The following MYBPC2 variants were observed in gnomAD, a reference collection of about 807,000 sequenced individuals.
MYBPC2 encodes myosin-binding protein C, fast-type.
MYBPC2 carries 122 observed loss-of-function variants against 137.0 expected under a neutral mutation model. The observed-to-expected ratio is 0.89, with a 90% CI of 0.77 to 1.03. MYBPC2 has a LOEUF of 1.03. Ranked by LOEUF, MYBPC2 falls within the 50% of genes least tolerant of loss-of-function variation. The pLI is 0.00. For synonymous variants in MYBPC2, 626 were observed against 612.3 expected, an observed-to-expected ratio of 1.02 and a Z score of -0.33; for missense variants, 1,500 against 1,534.4, an observed-to-expected ratio of 0.98 and a Z score of 0.37.
At chr19:50,442,127 C>T (rs1175064718) in intron 8 of MYBPC2, 54 bp from the exon 9 acceptor site, 37 of 1,545,970 alleles carry the variant, frequency 2.4e-5, no homozygotes, top group Non-Finnish European at 3.1e-5. Flanking sequence ...CTGGGGATGA[C>T]CAGGGGAATG....
chr19:50,462,052 C>G lies in MYBPC2; in HGVS notation c.3228+16C>G. ...CCACCCGAAGGTGCCAGGGCAGGGA[C>G]CCAGATCTGCGTGTGTGTTGCCTTG... On this transcript the variant is annotated intron_variant, in intron 26 of 27. Transcript: ENST00000357701. 1 of 1,566,416 alleles carries G rather than the reference C, an allele frequency of 6.4e-7. No homozygotes were observed.
intron 12 of MYBPC2, 135 bp from the exon 13 acceptor site, chr19:50,448,090 A>C: frequency 9.4e-7 from 1 of 1,069,126 alleles, no homozygotes; most frequent in East Asian, 2.8e-5. Context: ...TCCCGAGGCC[A>C]ACGGGTTGTT....
At chr19:50,447,047 GC>G (rs2039812606) in intron 12 of MYBPC2, among the ~76,000 whole-genome samples, 1 of 150,152 alleles carries the variant, frequency 6.7e-6, no homozygotes, top group African/African-American at 2.4e-5. Flanking sequence ...CCCCCGCCTG[GC>G]CCAGGCCTTC....
At chr19:50,458,475 G>C in intron 20 of MYBPC2, 112 bp from the exon 21 acceptor site, 1 of 1,283,384 alleles carries the variant, frequency 7.8e-7, no homozygotes, top group African/African-American at 1.5e-5. Flanking sequence ...CTTCTACTGG[G>C]AACTTACTCA....
At chr19:50,452,500 G>GTATCTATCTATC (rs1456535214) in intron 16 of MYBPC2, among the ~76,000 whole-genome samples, 12,444 of 92,986 alleles carry the variant, frequency 0.13, 685 homozygotes, top group Non-Finnish European at 0.18. Flanking sequence ...ATGTATGTAT[G>GTATCTATCTATC]TATGTATGTA....
At chr19:50,443,401 G>A in intron 9 of MYBPC2, 93 bp from the exon 10 acceptor site, 1 of 1,490,470 alleles carries the variant, frequency 6.7e-7, no homozygotes, top group African/African-American at 1.4e-5. Context: ...GAGAGAGAGA[G>A]AGAGAGACTT....
intron 27 of MYBPC2, 25 bp downstream of exon 27, chr19:50,464,557 C>T: frequency 3.8e-6 from 6 of 1,577,076 alleles, no homozygotes; most frequent in Non-Finnish European, 5.2e-6. Context: ...ATCCCCAACA[C>T]TGGCTGACCC....
Position 50,461,695 on chromosome 19 carries a change from A to C in MYBPC2, c.3085A>C (p.Lys1029Gln), listed in dbSNP as rs775390450. The C allele has an allele frequency of 6.2e-7, 1 of 1,610,910 alleles. No individual in the cohort carries two copies. The highest frequency in any genetic ancestry group is 2.2e-5 in the East Asian group (1 of 44,750). Residue 1029 changes from lysine (K) to glutamine (Q), a missense_variant, in exon 25 of 28, where the codon AAG becomes CAG. Physicochemically the swap from Lys to Gln is moderately conservative, Grantham distance 53. Coordinates refer to ENST00000357701, the MANE Select transcript of MYBPC2 (RefSeq NM_004533.4). ...CTCCAAGAACACGGCCCGCATCCTCAAGACAGGTACAGCCATCCTGCCCCA... is the reference window on the plus strand; with the variant it reads ...CTCCAAGAACACGGCCCGCATCCTCCAGACAGGTACAGCCATCCTGCCCCA... ...GVSKNTARIL[K>Q]TGITFKPFEY...
intron 26 of MYBPC2, among the ~76,000 whole-genome samples, chr19:50,463,220 ATG>A (rs1462275491): frequency 6.6e-6 from 1 of 152,230 alleles, no homozygotes; most frequent in African/African-American, 2.4e-5. Flanking sequence ...ATGTAAATAA[ATG>A]TGCGTGGCTC....
At position 50,435,605 on chromosome 19, in the gene MYBPC2, G is replaced by A. The variant is rs991001883; in HGVS notation, c.110-171G>A. Among the ~76,000 whole-genome samples the A allele has an allele frequency of 1.3e-5, 2 of 152,112 alleles. No individual in the cohort carries two copies. Among genetic ancestry groups the A allele is most frequent in the Non-Finnish European group, 2.9e-5 (2 of 68,028 alleles). On this transcript the variant is annotated intron_variant, in intron 2 of 27. Coordinates refer to ENST00000357701, the MANE Select transcript of MYBPC2 (RefSeq NM_004533.4). This position sits in a 1 kb window ranked among gnomAD's most constrained non-coding sequence, Gnocchi z 4.8. ...AGCCTGGCCAAGGTCACACAGCCACGAGGGTGACAGGTGGCCTTTCCCAGG... is the reference window on the plus strand; with the variant it reads ...AGCCTGGCCAAGGTCACACAGCCACAAGGGTGACAGGTGGCCTTTCCCAGG...
chr19:50,464,575 G>A (rs747564912), intron 27 of MYBPC2, 43 bp downstream of exon 27: 2 of 1,548,924 alleles, frequency 1.3e-6, no homozygotes, highest in South Asian at 2.4e-5. Flanking sequence ...CCCTTGCTCG[G>A]GCCCTGTGCC....
chr19:50,438,857 C>T lies in MYBPC2; in HGVS notation c.572+1139C>T, dbSNP rs1046415559. ...CTCCAGTCTGGGCAACAGAGTGAGA[C>T]TGTTTCAAAAACAACAACCACAAAA... is the stretch of plus-strand genomic sequence containing the variant. On this transcript the variant is annotated intron_variant, in intron 7 of 27. Transcript: ENST00000357701. 4.6e-5 allele frequency among the ~76,000 whole-genome samples: 7 copies of T among 152,064 alleles called. No individual in the cohort carries two copies. In the South Asian group the frequency reaches 6.2e-4, roughly 13 times the overall value.
In MYBPC2 at chr19:50,459,152, C is replaced by T; in HGVS notation, c.2637C>T (p.Ala879=). The change falls in exon 23 of 28, where the codon GCC becomes GCT. Residue 879 remains alanine (A), a synonymous_variant. Transcript: ENST00000357701. ...RPQVVWTKGG[A]PLDTSRVHVR... ...AGGTGGTGTGGACCAAGGGCGGGGC[C>T]CCGCTGGACACCTCCCGCGTGCACG... The T allele has an allele frequency of 6.3e-7, 1 of 1,594,326 alleles. No individual in the cohort carries two copies. Among genetic ancestry groups the T allele is most frequent in the African/African-American group, 1.3e-5 (1 of 74,674 alleles).
In MYBPC2 at chr19:50,461,884, C is replaced by T. The variant is rs1275367310; in HGVS notation, c.3092-16C>T. On this transcript the variant is annotated splice_polypyrimidine_tract_variant and intron_variant, in intron 25 of 27. Coordinates refer to ENST00000357701, the MANE Select transcript of MYBPC2 (RefSeq NM_004533.4). The stretch of plus-strand genomic sequence containing the variant: ...ATCTAGATCAGTCGCCTTACGGGTG[C>T]ATCCTCTCTCCCCAGGAATCACCTT... 6.3e-7 allele frequency: 1 copy of T among 1,591,814 alleles called. No homozygotes were observed. The highest frequency in any genetic ancestry group is 1.3e-5 in the African/African-American group (1 of 74,454).
chr19:50,464,176 C>T (rs970377590), intron 26 of MYBPC2, 170 bp from the exon 27 acceptor site: 3 of 598,284 alleles, frequency 5.0e-6, no homozygotes, highest in Non-Finnish European at 5.8e-6. Context: ...GATTATCAAC[C>T]TGCTTTTACA....
intron 12 of MYBPC2, 60 bp from the exon 13 acceptor site, chr19:50,448,165 A>G (rs2039822405): frequency 6.5e-7 from 1 of 1,537,640 alleles, no homozygotes; most frequent in African/African-American, 1.4e-5. Flanking sequence ...GTGGGTGCTC[A>G]CAAGTGTCTG....
chr19:50,461,461 CCTT>C, intron 24 of MYBPC2, 78 bp from the exon 25 acceptor site: 1 of 1,413,946 alleles, frequency 7.1e-7, no homozygotes, highest in Middle Eastern at 1.9e-4. Context: ...TTTTCTCACC[CCTT>C]CTTTCGTCTG....
intron 1 of MYBPC2, among the ~76,000 whole-genome samples, chr19:50,434,376 CA>C (rs935886528): frequency 2.0e-5 from 3 of 152,018 alleles, no homozygotes; most frequent in Middle Eastern, 3.2e-3. Context: ...GAAACAAAAA[CA>C]AAAAATAGAT....
In MYBPC2 at chr19:50,465,410, G is replaced by C. The variant is rs73054474; in HGVS notation, c.3416-785G>C. 6.6e-6 allele frequency among the ~76,000 whole-genome samples: 1 copy of C among 152,044 alleles called. No individual in the cohort carries two copies. Among genetic ancestry groups the C allele is most frequent in the African/African-American group, 2.4e-5 (1 of 41,392 alleles). On this transcript the variant is annotated intron_variant, in intron 27 of 27. Coordinates refer to ENST00000357701, the MANE Select transcript of MYBPC2 (RefSeq NM_004533.4). This position sits in a 1 kb window ranked among gnomAD's most constrained non-coding sequence, Gnocchi z 4.5. ...AGGCTCAGCGAGGAGGCCACTAACC[G>C]TGTCCCTCAGAGCAGGATGACATCA... is the stretch of plus-strand genomic sequence containing the variant.
Sources: allele counts gnomAD v4.1 joint callset (sites outside exome capture counted in the v4.1 genomes callset), GRCh38; gene constraint gnomAD v4.1.1; non-coding constraint Gnocchi (gnomAD v3.1); transcripts MANE v1.5; gene names NCBI Gene and HGNC (gene_info 2026-07-23, HGNC 2026-07-21).